Variants in ALG14 observed in about 807,000 individuals in gnomAD.
ALG14 encodes ALG14 UDP-N-acetylglucosaminyltransferase subunit, also known as UDP-N-acetylglucosamine transferase subunit ALG14.
In ALG14, 17 loss-of-function variants were observed where a neutral mutation model predicts 22.8. The ratio of observed to expected loss-of-function variants is 0.75; its 90% CI spans 0.51 to 1.12. ALG14 has a LOEUF of 1.12. Ranked by LOEUF, ALG14 falls within the 50% of genes most tolerant of loss-of-function variation. ALG14 has a pLI of 0.00. For synonymous variants in ALG14, 89 were observed against 103.7 expected (o/e 0.86, Z 0.86); for missense variants, 288 against 271.8 (o/e 1.06, Z -0.42).
intron 2 of ALG14, among the ~76,000 whole-genome samples, chr1:95,035,407 C>A (rs898157583): frequency 1.3e-5 from 2 of 152,194 alleles, no homozygotes; most frequent in African/African-American, 4.8e-5. Flanking sequence ...CTTCCTAATT[C>A]CTGTAGAACA....
chr1:95,009,734 T>C (rs996666001), intron 3 of ALG14, among the ~76,000 whole-genome samples: 2 of 152,166 alleles, frequency 1.3e-5, no homozygotes, highest in African/African-American at 4.8e-5. Context: ...ATGTGGATTC[T>C]GGATTGGATG....
chr1:95,013,062 T>C (rs1673410725), intron 3 of ALG14, among the ~76,000 whole-genome samples: 1 of 149,646 alleles, frequency 6.7e-6, no homozygotes. Flanking sequence ...CTTGAACCTG[T>C]GAGGCAGAGG....
At position 95,025,936 on chromosome 1, in the gene ALG14, G is replaced by C. The variant is rs903761196; in HGVS notation, c.420+1193C>G. Among the ~76,000 whole-genome samples the C allele has an allele frequency of 2.0e-5, 3 of 152,202 alleles. No homozygotes were observed. In the East Asian group the frequency reaches 5.8e-4, roughly 29 times the overall value. ...TGAAACCAGTGTGTTCACAGGAGTA[G>C]CACTTTTTTTTTTTGAGATGGAGTC... is the stretch of plus-strand genomic sequence containing the variant. On this transcript the variant is annotated intron_variant, in intron 3 of 3. Transcript: ENST00000370205.
At chr1:95,010,636 G>A (rs1673336366) in intron 3 of ALG14, among the ~76,000 whole-genome samples, 2 of 152,090 alleles carry the variant, frequency 1.3e-5, no homozygotes, top group South Asian at 4.1e-4. Flanking sequence ...GTGAATTCAG[G>A]AAATTTTTGA....
intron 3 of ALG14, among the ~76,000 whole-genome samples, chr1:95,016,983 G>A (rs1673517649): frequency 2.0e-5 from 3 of 147,446 alleles, no homozygotes; most frequent in African/African-American, 7.9e-5. Context: ...GTGTGTGTGT[G>A]TGTGTGTGTG....
chr1:95,064,966 T>C lies in ALG14; in HGVS notation c.188A>G (p.Tyr63Cys), dbSNP rs1675305366. 1.2e-6 allele frequency: 2 copies of C among 1,613,704 alleles called. No homozygotes were observed. Among genetic ancestry groups the C allele is most frequent in the Non-Finnish European group, 1.7e-6 (2 of 1,179,740 alleles). ...LRLLGSLSNA[Y>C]SPRHYVIADT... is the part of the protein sequence containing the mutation. ...AGCAATGACATAATGTCTAGGTGAGTAGGCATTGGACAAGCTCCCAAGCAG... is the reference window on the plus strand; with the variant it reads ...AGCAATGACATAATGTCTAGGTGAGCAGGCATTGGACAAGCTCCCAAGCAG... The change falls in exon 2 of 4, where the codon TAC becomes TGC. Residue 63 changes from tyrosine (Y) to cysteine (C), a missense_variant. Coordinates refer to ENST00000370205, the MANE Select transcript of ALG14 (RefSeq NM_144988.4).
rs1672514675 is a variant in ALG14 at position 94,982,327 on chromosome 1, T to C, written c.*749A>G. 1.3e-5 allele frequency: 2 copies of C among 152,172 alleles called. No homozygotes were observed. Among genetic ancestry groups the C allele is most frequent in the East Asian group, 1.9e-4 (1 of 5,200 alleles). The allele number at this position is 152,172 out of a possible 1,614,324, so 9.4% of individuals were successfully genotyped here. On this transcript the variant is annotated 3_prime_UTR_variant, in exon 4 of 4. Transcript: ENST00000370205. ...TTTTAGTAGAGACAAGGTTTCACCATGTTGGTCAGGCTGGTGTCAAACTCC... is the reference window on the plus strand; with the variant it reads ...TTTTAGTAGAGACAAGGTTTCACCACGTTGGTCAGGCTGGTGTCAAACTCC...
chr1:95,031,967 C>T (rs1326383788), intron 2 of ALG14, among the ~76,000 whole-genome samples: 2 of 152,060 alleles, frequency 1.3e-5, no homozygotes, highest in African/African-American at 4.8e-5. Flanking sequence ...CACCACCACA[C>T]CCACCTAATT....
At chr1:95,066,248 A>G (rs1412488297) in intron 1 of ALG14, among the ~76,000 whole-genome samples, 1 of 151,714 alleles carries the variant, frequency 6.6e-6, no homozygotes, top group East Asian at 1.9e-4. Context: ...CCCCAGGTGG[A>G]GTTTCACGCT....
At chr1:94,997,973 G>A (rs552859179) in intron 3 of ALG14, among the ~76,000 whole-genome samples, 6 of 152,240 alleles carry the variant, frequency 3.9e-5, no homozygotes, top group South Asian at 2.1e-4. Context: ...GGCATCTCCT[G>A]TTGGGGCAAC....
chr1:95,047,596 G>A (rs544756622), intron 2 of ALG14, among the ~76,000 whole-genome samples: 1 of 152,204 alleles, frequency 6.6e-6, no homozygotes, highest in African/African-American at 2.4e-5. Context: ...TGCCCGCCTT[G>A]GCCTCCCAAA....
chr1:95,046,027 T>C (rs1422137328), intron 2 of ALG14, among the ~76,000 whole-genome samples: 1 of 149,846 alleles, frequency 6.7e-6, no homozygotes, highest in Non-Finnish European at 1.5e-5. Context: ...ATTATTATAC[T>C]AATTCTATTA....
At chr1:95,021,315 T>C (rs1238384437) in intron 3 of ALG14, among the ~76,000 whole-genome samples, 1 of 152,126 alleles carries the variant, frequency 6.6e-6, no homozygotes, top group Non-Finnish European at 1.5e-5. Context: ...CCAAGATGAG[T>C]AATACACCTC....
At chr1:95,059,152 G>A (rs188527344) in intron 2 of ALG14, among the ~76,000 whole-genome samples, 13 of 151,866 alleles carry the variant, frequency 8.6e-5, no homozygotes, top group Admixed American at 4.6e-4. Context: ...TAATCTCAGC[G>A]CTTTAAGAGG....
At chr1:95,035,019 T>C (rs1184817591) in intron 2 of ALG14, among the ~76,000 whole-genome samples, 2 of 152,132 alleles carry the variant, frequency 1.3e-5, no homozygotes, top group Non-Finnish European at 2.9e-5. Flanking sequence ...CTAAGCCTTT[T>C]AGGGGAAAAA....
At chr1:94,983,457 AT>A (rs1455763441) in intron 3 of ALG14, 151 bp from the exon 4 acceptor site, 22 of 676,250 alleles carry the variant, frequency 3.3e-5, no homozygotes, top group Admixed American at 3.0e-4. Context: ...CAAACAGCGC[AT>A]GTTTAAGCCC....
chr1:95,025,279 T>C (rs1218170452), intron 3 of ALG14, among the ~76,000 whole-genome samples: 1 of 152,234 alleles, frequency 6.6e-6, no homozygotes, highest in Non-Finnish European at 1.5e-5. Context: ...AAGCTTTGTC[T>C]CTTGAGTAGT....
chr1:95,043,798 AAG>A (rs1674459329), intron 2 of ALG14, among the ~76,000 whole-genome samples: 1 of 151,518 alleles, frequency 6.6e-6, no homozygotes, highest in Non-Finnish European at 1.5e-5. Flanking sequence ...AGGAGAGAGA[AAG>A]AGAGGGTTGA....
chr1:95,058,436 A>T (rs1675012704), intron 2 of ALG14, among the ~76,000 whole-genome samples: 1 of 151,048 alleles, frequency 6.6e-6, no homozygotes. Flanking sequence ...CAACATGGCA[A>T]AACCCCATCT....
Sources: allele counts gnomAD v4.1 joint callset (sites outside exome capture counted in the v4.1 genomes callset), GRCh38; gene constraint gnomAD v4.1.1; transcripts MANE v1.5; gene names NCBI Gene and HGNC (gene_info 2026-07-23, HGNC 2026-07-21).